Variants in SNX25 observed in about 807,000 individuals in gnomAD.
The protein encoded by SNX25 is sorting nexin 25, also known as sorting nexin-25.
SNX25 carries 62 observed loss-of-function variants against 113.7 expected under a neutral mutation model. The observed-to-expected ratio is 0.55, with a 90% confidence interval of 0.44 to 0.67. The LOEUF is 0.67. SNX25 is among the 30% of genes least tolerant of loss of function. The pLI, the probability that SNX25 is intolerant of heterozygous loss-of-function variation, is 0.00. For synonymous variants in SNX25, 421 were observed against 436.2 expected (o/e 0.97, Z 0.43); for missense variants, 1,014 against 1,161.0 (o/e 0.87, Z 1.84).
intron 15 of SNX25, among the ~76,000 whole-genome samples, chr4:185,355,626 C>T (rs2095335488): frequency 6.6e-6 from 1 of 152,208 alleles, no homozygotes; most frequent in South Asian, 2.1e-4. Context: ...TAAGAAATAT[C>T]TATATGATGG....
rs150017240 is a variant in SNX25, at chr4:185,342,042, G to A, written c.2113G>A (p.Gly705Arg). The change falls in exon 12 of 19, where the codon GGA (glycine) becomes AGA (arginine). Residue 705 changes from glycine (G) to arginine (R), a missense_variant. Gly to Arg is a moderately radical substitution (Grantham distance 125, BLOSUM62 -2). Transcript: ENST00000652585. ...CATGGTAAGCCTACAAGAAGTTGGA[G>A]GAGTTGAAACTAAGAACTGGACGGT... Reference protein sequence around the residue: ...FVMVSLQEVGGVETKNWTVPR... With the variant: ...FVMVSLQEVGRVETKNWTVPR... 104 of 1,611,418 alleles carry A rather than the reference G, an allele frequency of 6.5e-5. No homozygotes were observed. The highest frequency in any genetic ancestry group is 2.8e-5 in the Non-Finnish European group (33 of 1,178,980).
At chr4:185,308,052 C>T (rs1419794323) in intron 6 of SNX25, among the ~76,000 whole-genome samples, 1 of 152,230 alleles carries the variant, frequency 6.6e-6, no homozygotes, top group Admixed American at 6.5e-5. Context: ...GGCCACCACG[C>T]CGGGCCCACA....
At chr4:185,316,276 T>G (rs536879075) in intron 7 of SNX25, among the ~76,000 whole-genome samples, 2 of 152,212 alleles carry the variant, frequency 1.3e-5, no homozygotes, top group Non-Finnish European at 2.9e-5. Flanking sequence ...CAGTTATTAT[T>G]AACAAGTCTC....
intron 6 of SNX25, among the ~76,000 whole-genome samples, chr4:185,294,010 G>T (rs1191637787): frequency 6.6e-6 from 1 of 152,154 alleles, no homozygotes; most frequent in African/African-American, 2.4e-5. Flanking sequence ...TAGTGAAAAG[G>T]AAGGGATTGA....
intron 9 of SNX25, 118 bp downstream of exon 9, chr4:185,323,918 C>T: frequency 9.7e-7 from 1 of 1,032,652 alleles, no homozygotes; most frequent in Non-Finnish European, 1.4e-6. Flanking sequence ...ATATACAGGA[C>T]CTTAAATAGA....
At chr4:185,342,809 C>A (rs1441759994) in intron 12 of SNX25, among the ~76,000 whole-genome samples, 1 of 152,182 alleles carries the variant, frequency 6.6e-6, no homozygotes, top group African/African-American at 2.4e-5. Flanking sequence ...GCCTCTAGAA[C>A]CAGACTGCTC....
At chr4:185,329,532 G>A (rs2095179388) in intron 9 of SNX25, among the ~76,000 whole-genome samples, 1 of 152,234 alleles carries the variant, frequency 6.6e-6, no homozygotes, top group African/African-American at 2.4e-5. Flanking sequence ...CTGAGGATCA[G>A]GACAGCAGAC....
chr4:185,233,652 A>C (rs1211975942), intron 1 of SNX25, among the ~76,000 whole-genome samples: 2 of 152,086 alleles, frequency 1.3e-5, no homozygotes, highest in Non-Finnish European at 2.9e-5. Context: ...TCAAACTGCT[A>C]TCTGCCTGTG....
intron 1 of SNX25, among the ~76,000 whole-genome samples, chr4:185,236,225 G>A (rs1371400473): frequency 6.6e-6 from 1 of 152,100 alleles, no homozygotes; most frequent in East Asian, 1.9e-4. Context: ...AAGAAGGTTT[G>A]CATCTTTCCC....
At chr4:185,268,105 GC>G (rs1161045945) in intron 5 of SNX25, among the ~76,000 whole-genome samples, 1 of 152,198 alleles carries the variant, frequency 6.6e-6, no homozygotes, top group African/African-American at 2.4e-5. Context: ...TCAAGAGTCA[GC>G]TGTAATGAGG....
intron 6 of SNX25, among the ~76,000 whole-genome samples, chr4:185,298,613 T>C (rs373841894): frequency 2.0e-5 from 3 of 152,148 alleles, no homozygotes; most frequent in South Asian, 4.1e-4. Flanking sequence ...TATTTTCAGC[T>C]TCATCTCCTG....
the SNX25 span, chr4:185,378,205 A>T: frequency 6.2e-7 from 1 of 1,611,420 alleles, no homozygotes; most frequent in Middle Eastern, 1.7e-4. Context: ...TGCAATGTGT[A>T]TTCTATAAGC....
At chr4:185,204,992 T>G (rs1560881518), upstream of SNX25, among the ~76,000 whole-genome samples, 2 of 152,266 alleles carry the variant, frequency 1.3e-5, no homozygotes, top group Non-Finnish European at 2.9e-5. Flanking sequence ...ATCCAGTAGT[T>G]AATAAATATT....
At chr4:185,283,649 C>A (rs563761280) in intron 5 of SNX25, among the ~76,000 whole-genome samples, 1 of 152,132 alleles carries the variant, frequency 6.6e-6, no homozygotes, top group Non-Finnish European at 1.5e-5. Context: ...AGAGCATGAG[C>A]TTTAGAAGAC....
At chr4:185,318,638 C>T (rs1370794366) in intron 7 of SNX25, among the ~76,000 whole-genome samples, 6 of 152,108 alleles carry the variant, frequency 3.9e-5, no homozygotes, top group East Asian at 1.9e-4. Context: ...AAAACAAAAA[C>T]GTGAAACTAT....
At chr4:185,377,079 T>A in the SNX25 span, 2 of 1,155,964 alleles carry the variant, frequency 1.7e-6, no homozygotes, top group Non-Finnish European at 2.6e-6. Flanking sequence ...TCTCTTGAAG[T>A]AATGAATCAT....
At chr4:185,211,901 C>A (rs12509189) in intron 1 of SNX25, among the ~76,000 whole-genome samples, 70,901 of 151,940 alleles carry the variant, frequency 0.47, 18,340 homozygotes, top group East Asian at 0.76. Flanking sequence ...CGCAAATCTC[C>A]CAGCTCACTG....
chr4:185,350,502 C>T (rs2095309784), intron 13 of SNX25, among the ~76,000 whole-genome samples: 1 of 152,162 alleles, frequency 6.6e-6, no homozygotes, highest in Non-Finnish European at 1.5e-5. Flanking sequence ...TTCTTCTTTA[C>T]TCTCTCCTAA....
chr4:185,268,139 C>T (rs940340200), intron 5 of SNX25, among the ~76,000 whole-genome samples: 1 of 152,152 alleles, frequency 6.6e-6, no homozygotes, highest in African/African-American at 2.4e-5. Flanking sequence ...GAAAGCTCTT[C>T]AGATGTCGGG....
Sources: allele counts gnomAD v4.1 joint callset (sites outside exome capture counted in the v4.1 genomes callset), GRCh38; gene constraint gnomAD v4.1.1; transcripts MANE v1.5; gene names NCBI Gene and HGNC (gene_info 2026-07-23, HGNC 2026-07-21).